Variants in TRPS1 observed in about 807,000 individuals in gnomAD.
TRPS1 encodes transcriptional repressor GATA binding 1.
Under a neutral mutation model 101.2 loss-of-function variants are expected in TRPS1, and 6 were observed. The observed-to-expected ratio is 0.06, with a 90% CI of 0.03 to 0.12. TRPS1 has a LOEUF of 0.12. Ranked by LOEUF, TRPS1 falls within the 10% of genes least tolerant of loss-of-function variation. The pLI is 1.00. For missense variants in TRPS1, 1,363 were observed against 1,567.0 expected (o/e 0.87, Z 2.20); for synonymous variants, 578 against 589.8 (o/e 0.98, Z 0.29).
At chr8:115,538,473 T>C (rs962494085) in intron 5 of TRPS1, among the ~76,000 whole-genome samples, 4 of 152,154 alleles carry the variant, frequency 2.6e-5, no homozygotes, top group Non-Finnish European at 2.9e-5. Context: ...TGCTTCTCAG[T>C]ATTTTTGGAC....
intron 1 of TRPS1, among the ~76,000 whole-genome samples, chr8:115,644,978 G>A (rs1818991636): frequency 6.6e-6 from 1 of 151,992 alleles, no homozygotes; most frequent in South Asian, 2.1e-4. Context: ...AATAACAATA[G>A]TGACATCAAA....
At chr8:115,656,393 A>G (rs1289527452) in intron 1 of TRPS1, among the ~76,000 whole-genome samples, 1 of 152,110 alleles carries the variant, frequency 6.6e-6, no homozygotes, top group East Asian at 1.9e-4. Context: ...TACAGATTTA[A>G]TTTTTAACCC....
intron 5 of TRPS1, among the ~76,000 whole-genome samples, chr8:115,452,482 C>T (rs1453964490): frequency 6.6e-6 from 1 of 152,078 alleles, no homozygotes; most frequent in Non-Finnish European, 1.5e-5. Flanking sequence ...GGGGGGGTCT[C>T]TTGTTTGAAA....
chr8:115,463,684 G>C (rs916848741), intron 5 of TRPS1, among the ~76,000 whole-genome samples: 2 of 151,948 alleles, frequency 1.3e-5, no homozygotes, highest in South Asian at 4.1e-4. Flanking sequence ...CAGCTCTCAA[G>C]TATTCAACAA....
chr8:115,564,794 G>C (rs1466712576), intron 5 of TRPS1, among the ~76,000 whole-genome samples: 2 of 152,044 alleles, frequency 1.3e-5, no homozygotes, highest in Non-Finnish European at 2.9e-5. Context: ...AAATACAGGA[G>C]TTGCTTACAT....
intron 5 of TRPS1, among the ~76,000 whole-genome samples, chr8:115,581,439 G>T (rs961460126): frequency 3.3e-5 from 5 of 152,052 alleles, no homozygotes; most frequent in African/African-American, 1.2e-4. Flanking sequence ...ATGTTGAGGT[G>T]ATGGATATAC....
In TRPS1 at chr8:115,414,041, A is replaced by AT. The variant is rs1401148397; in HGVS notation, c.3866dup (p.Asn1289LysfsTer5). ...TAAGGTTTTACTCTTTAGGTTTTCC[A>AT]TTTTTTTCCACTTGTGCATTGTTCC... On this transcript the variant is annotated frameshift_variant, in exon 7 of 7. Transcript: ENST00000395715. LOFTEE classifies it high-confidence loss of function. The surrounding 1 kb of genome is among the most constrained non-coding windows in gnomAD (Gnocchi z 4.8). The AT allele has an allele frequency of 1.9e-6, 3 of 1,613,340 alleles. No homozygotes were observed. Among genetic ancestry groups the AT allele is most frequent in the Non-Finnish European group, 2.5e-6 (3 of 1,179,748 alleles).
intron 1 of TRPS1, among the ~76,000 whole-genome samples, chr8:115,633,860 AATG>A (rs1818705890): frequency 6.6e-6 from 1 of 152,176 alleles, no homozygotes; most frequent in Non-Finnish European, 1.5e-5. Context: ...CAAACAGAAT[AATG>A]ATGAGTGGTT....
intron 5 of TRPS1, among the ~76,000 whole-genome samples, chr8:115,498,401 CTCTCTCTCTCTCTCTATATA>C (rs1420353709): frequency 4.9e-4 from 42 of 85,422 alleles, no homozygotes; most frequent in African/African-American, 2.1e-3. Context: ...CTCTCTCTCT[CTCTCTCTCTCTCTCTATATA>C]TATATATATA....
chr8:115,442,287 C>T (rs1813617977), intron 5 of TRPS1, among the ~76,000 whole-genome samples: 1 of 152,138 alleles, frequency 6.6e-6, no homozygotes, highest in South Asian at 2.1e-4. Context: ...CCACAACAAA[C>T]ACTTTTACCC....
chr8:115,569,459 T>C (rs1002462081), intron 5 of TRPS1, among the ~76,000 whole-genome samples: 1 of 152,136 alleles, frequency 6.6e-6, no homozygotes, highest in African/African-American at 2.4e-5. Flanking sequence ...CTTTTATTCA[T>C]CTCTTCTAGG....
chr8:115,661,580 A>T (rs1811795790), intron 1 of TRPS1: 1 of 152,062 alleles, frequency 6.6e-6, no homozygotes, highest in Non-Finnish European at 1.5e-5. Flanking sequence ...CTTTGTTCAA[A>T]TAATACTGCT....
chr8:115,534,438 T>C (rs1816230568), intron 5 of TRPS1, among the ~76,000 whole-genome samples: 1 of 152,012 alleles, frequency 6.6e-6, no homozygotes, highest in Non-Finnish European at 1.5e-5. Context: ...ACCATCACAC[T>C]GGAGATTGAA....
At chr8:115,522,062 T>A (rs778225962) in intron 5 of TRPS1, among the ~76,000 whole-genome samples, 19 of 151,996 alleles carry the variant, frequency 1.3e-4, no homozygotes, top group Non-Finnish European at 2.2e-4. Flanking sequence ...AAGTATGTGC[T>A]GTAGTTTGTC....
chr8:115,607,576 G>A (rs1048599524), intron 3 of TRPS1, among the ~76,000 whole-genome samples: 9 of 151,806 alleles, frequency 5.9e-5, no homozygotes, highest in South Asian at 2.1e-4. Flanking sequence ...GAAAACTCAC[G>A]GATCTCATTT....
intron 1 of TRPS1, among the ~76,000 whole-genome samples, chr8:115,640,562 T>C (rs112296145): frequency 8.5e-5 from 13 of 152,288 alleles, no homozygotes; most frequent in African/African-American, 1.9e-4. Flanking sequence ...AAGCAAATCA[T>C]AGTACTAATA....
At chr8:115,535,416 G>T (rs893193259) in intron 5 of TRPS1, among the ~76,000 whole-genome samples, 2 of 133,234 alleles carry the variant, frequency 1.5e-5, no homozygotes, top group African/African-American at 7.4e-5. Context: ...AGCATATATA[G>T]TGCATATATA....
At chr8:115,576,278 C>CATATAT (rs3071244) in intron 5 of TRPS1, among the ~76,000 whole-genome samples, 39 of 144,334 alleles carry the variant, frequency 2.7e-4, no homozygotes, top group East Asian at 1.0e-3. Context: ...ATTTGTAGTT[C>CATATAT]ATATATATAT....
At chr8:115,517,699 G>A (rs1190212991) in intron 5 of TRPS1, among the ~76,000 whole-genome samples, 1 of 151,712 alleles carries the variant, frequency 6.6e-6, no homozygotes, top group Non-Finnish European at 1.5e-5. Flanking sequence ...TCCTACCCAT[G>A]TTAAAGTTTA....
Sources: allele counts gnomAD v4.1 joint callset (sites outside exome capture counted in the v4.1 genomes callset), GRCh38; gene constraint gnomAD v4.1.1; non-coding constraint Gnocchi (gnomAD v3.1); transcripts MANE v1.5; gene names NCBI Gene and HGNC (gene_info 2026-07-23, HGNC 2026-07-21).